Variants in PSD3 observed in about 807,000 individuals in gnomAD.
PSD3 encodes the protein PH and SEC7 domain-containing protein 3.
In PSD3, 49 loss-of-function variants were observed where a neutral mutation model predicts 105.5. That is an observed-to-expected ratio of 0.46 (90% CI 0.37 to 0.59). The LOEUF (loss-of-function observed/expected upper bound fraction) is 0.59, where lower values mean the gene tolerates loss of function less well. PSD3 is among the 20% of genes least tolerant of loss of function. The probability of loss-of-function intolerance (pLI) is 0.00; values close to 1 mark genes in which losing one functional copy is unlikely to be tolerated. For synonymous variants in PSD3, 557 were observed against 457.8 expected, an observed-to-expected ratio of 1.22 and a Z score of -2.77; for missense variants, 1,561 against 1,263.8, an observed-to-expected ratio of 1.24 and a Z score of -3.57.
chr8:18,734,957 G>T (rs1194418164), intron 9 of PSD3, among the ~76,000 whole-genome samples: 1 of 152,160 alleles, frequency 6.6e-6, no homozygotes, highest in African/African-American at 2.4e-5. Flanking sequence ...CTGTTAAAGG[G>T]AAAATCAAGT....
At chr8:19,062,967 C>A (rs111225959) in intron 1 of PSD3, among the ~76,000 whole-genome samples, 1 of 151,940 alleles carries the variant, frequency 6.6e-6, no homozygotes, top group African/African-American at 2.4e-5. Context: ...AGTGAAGGTG[C>A]CGATAGGTAT....
At chr8:18,668,618 G>C (rs1047377608) in intron 9 of PSD3, among the ~76,000 whole-genome samples, 5 of 152,176 alleles carry the variant, frequency 3.3e-5, no homozygotes, top group Non-Finnish European at 7.3e-5. Context: ...TCTTTCCTAA[G>C]CCATAGTCTC....
chr8:18,957,364 C>T (rs1460270169), intron 1 of PSD3, among the ~76,000 whole-genome samples: 5 of 85,990 alleles, frequency 5.8e-5, no homozygotes, highest in East Asian at 4.3e-4. Flanking sequence ...AACAAGACTC[C>T]GTCTCAAAAA....
intron 9 of PSD3, among the ~76,000 whole-genome samples, chr8:18,708,883 A>G (rs923412412): frequency 3.9e-5 from 6 of 152,172 alleles, no homozygotes; most frequent in Admixed American, 3.3e-4. Flanking sequence ...ACACGGGGTA[A>G]GAGGAACTCC....
chr8:18,578,734 C>A (rs1184298878), intron 12 of PSD3, among the ~76,000 whole-genome samples: 19 of 145,566 alleles, frequency 1.3e-4, no homozygotes, highest in African/African-American at 1.0e-4. Context: ...CTTAAAAATG[C>A]AAAAAAAAAA....
chr8:18,627,722 A>T (rs1806597695), intron 11 of PSD3, among the ~76,000 whole-genome samples: 2 of 151,996 alleles, frequency 1.3e-5, no homozygotes, highest in African/African-American at 4.8e-5. Context: ...TGTTTTTTTT[A>T]GATGAATACA....
At chr8:18,732,958 A>G (rs1803877407) in intron 9 of PSD3, 1 of 152,144 alleles carries the variant, frequency 6.6e-6, no homozygotes, top group Admixed American at 6.5e-5. Context: ...CCCTATCACC[A>G]CCATCTTCTG....
rs147034117 is a variant in PSD3 at position 18,800,998 on chromosome 8, G to T, written c.2023+272C>A. On this transcript the variant is annotated intron_variant, in intron 7 of 15. Transcript: ENST00000327040. Reference sequence around the variant, plus strand: ...CAAAATAATTTAAGTAAGAGTAGAGGATATCATGCTGTCCTTAAATATTAT... The same window carrying T: ...CAAAATAATTTAAGTAAGAGTAGAGTATATCATGCTGTCCTTAAATATTAT... 341 of 230,264 alleles carry T rather than the reference G, an allele frequency of 1.5e-3. 1 individual carries two copies. The highest frequency in any genetic ancestry group is 7.2e-3 in the African/African-American group (318 of 43,982). The allele number at this position is 230,264 out of a possible 1,614,324, so 14.3% of individuals were successfully genotyped here.
chr8:18,595,645 CAA>C (rs1804040310), intron 12 of PSD3, among the ~76,000 whole-genome samples: 1 of 151,752 alleles, frequency 6.6e-6, no homozygotes, highest in South Asian at 2.1e-4. Flanking sequence ...TTATATTATA[CAA>C]AATAAGTAAA....
At chr8:18,671,835 G>T (rs777978302) in intron 9 of PSD3, among the ~76,000 whole-genome samples, 1 of 152,086 alleles carries the variant, frequency 6.6e-6, no homozygotes, top group Non-Finnish European at 1.5e-5. Context: ...GTTTCACCGT[G>T]TTAGCCAGAA....
intron 2 of PSD3, among the ~76,000 whole-genome samples, chr8:18,935,736 A>G (rs1182701037): frequency 1.3e-5 from 2 of 151,622 alleles, no homozygotes; most frequent in Non-Finnish European, 2.9e-5. Flanking sequence ...GTCAATATAT[A>G]TAACAATGGT....
chr8:18,784,797 T>G (rs549806195), intron 8 of PSD3, among the ~76,000 whole-genome samples: 1 of 152,192 alleles, frequency 6.6e-6, no homozygotes, highest in African/African-American at 2.4e-5. Context: ...TCCAAGCACA[T>G]AGATGTACTT....
chr8:18,843,726 G>A (rs1248055397), intron 4 of PSD3, among the ~76,000 whole-genome samples: 1 of 152,114 alleles, frequency 6.6e-6, no homozygotes, highest in African/African-American at 2.4e-5. Context: ...AATATCAAAA[G>A]CATGGTAAAA....
At chr8:18,560,005 A>T (rs1801300264) in intron 14 of PSD3, among the ~76,000 whole-genome samples, 1 of 152,200 alleles carries the variant, frequency 6.6e-6, no homozygotes, top group African/African-American at 2.4e-5. Flanking sequence ...TGGCTTCATA[A>T]GGCAGGAGTC....
At chr8:18,944,341 G>A (rs1052073364) in intron 1 of PSD3, among the ~76,000 whole-genome samples, 2 of 152,128 alleles carry the variant, frequency 1.3e-5, no homozygotes, top group African/African-American at 2.4e-5. Flanking sequence ...AGGCCAAGGC[G>A]GGCAGATGAC....
intron 1 of PSD3, among the ~76,000 whole-genome samples, chr8:18,954,576 T>C (rs931662908): frequency 2.2e-4 from 33 of 152,160 alleles, no homozygotes; most frequent in Non-Finnish European, 1.3e-4. Flanking sequence ...AAAAGAGTTC[T>C]GGTCGGAGAA....
At chr8:18,889,176 C>A (rs1408173942) in intron 2 of PSD3, among the ~76,000 whole-genome samples, 1 of 152,224 alleles carries the variant, frequency 6.6e-6, no homozygotes, top group African/African-American at 2.4e-5. Flanking sequence ...GTTCTCTAGT[C>A]TTTTACAGCA....
intron 9 of PSD3, among the ~76,000 whole-genome samples, chr8:18,668,352 C>T (rs565095006): frequency 5.3e-5 from 8 of 152,334 alleles, no homozygotes; most frequent in South Asian, 4.1e-4. Flanking sequence ...TTTCATGTTT[C>T]GCCTGGTATT....
At chr8:18,987,085 A>C (rs1399221578) in intron 1 of PSD3, among the ~76,000 whole-genome samples, 2 of 152,168 alleles carry the variant, frequency 1.3e-5, no homozygotes, top group Non-Finnish European at 2.9e-5. Flanking sequence ...CATACTATGC[A>C]TAATAGTGCT....
Sources: allele counts gnomAD v4.1 joint callset (sites outside exome capture counted in the v4.1 genomes callset), GRCh38; gene constraint gnomAD v4.1.1; transcripts MANE v1.5; gene names NCBI Gene and HGNC (gene_info 2026-07-23, HGNC 2026-07-21).